The following CREBBP variants were observed in gnomAD, a reference collection of about 807,000 sequenced individuals.
The protein encoded by CREBBP is CREB binding lysine acetyltransferase.
A neutral mutation model predicts 265.0 loss-of-function variants in CREBBP; 19 were observed. The observed-to-expected ratio is 0.07, with a 90% CI of 0.05 to 0.11. The LOEUF (loss-of-function observed/expected upper bound fraction) is 0.11. CREBBP is among the 10% of genes least tolerant of loss of function. The pLI, the probability that CREBBP is intolerant of heterozygous loss-of-function variation, is 1.00. For synonymous variants in CREBBP, 1,457 were observed against 1,223.7 expected (o/e 1.19, Z -3.98); for missense variants, 2,525 against 3,219.0 (o/e 0.78, Z 5.22).
At chr16:3,789,307 C>T (rs1181381641) in intron 5 of CREBBP, among the ~76,000 whole-genome samples, 2 of 152,194 alleles carry the variant, frequency 1.3e-5, no homozygotes, top group African/African-American at 4.8e-5. Flanking sequence ...AACCCCAGTC[C>T]AGTCAAATGC....
chr16:3,831,664 G>A (rs2141415189), intron 2 of CREBBP, among the ~76,000 whole-genome samples: 2 of 152,166 alleles, frequency 1.3e-5, no homozygotes, highest in Admixed American at 1.3e-4. Context: ...AAACAAGAGA[G>A]CACACCAGAC....
rs1195004744 is a variant in CREBBP at position 3,880,281 on chromosome 16, G to C, written c.-365C>G. 3 of 143,316 alleles carry C rather than the reference G, an allele frequency of 2.1e-5. No individual in the cohort carries two copies. Among genetic ancestry groups the C allele is most frequent in the Admixed American group, 6.9e-5 (1 of 14,528 alleles). 8.9% of individuals were successfully genotyped at this position (143,316 alleles called of 1,614,324 possible). ...CGACGGCGCCCGGCCGGGCGGCTCA[G>C]GCAGTCCCCGAGAACATGGTGCCGC... On this transcript the variant is annotated 5_prime_UTR_variant, in exon 1 of 31. Transcript: ENST00000262367.
Position 3,778,091 on chromosome 16 carries a change from A to T in CREBBP, c.2033T>A (p.Ile678Asn), listed in dbSNP as rs1458002393. The T allele has an allele frequency of 6.2e-7, 1 of 1,614,052 alleles. No homozygotes were observed. The highest frequency in any genetic ancestry group is 8.5e-7 in the Non-Finnish European group (1 of 1,180,010). Residue 678 changes from isoleucine to asparagine, a missense_variant, in exon 10 of 31, where the codon ATC (isoleucine) becomes AAC (asparagine). Physicochemically the swap from Ile to Asn is moderately radical, Grantham distance 149 (BLOSUM62 -3). Transcript: ENST00000262367. ...TGGTAAGGCTGGCTGGTTCCCCAAGATGCCTTGTTTATGTAAACGCGACCT... is the reference window on the plus strand; with the variant it reads ...TGGTAAGGCTGGCTGGTTCCCCAAGTTGCCTTGTTTATGTAAACGCGACCT... ...KRRSRLHKQG[I>N]LGNQPALPAP...
chr16:3,781,894 ACATT>A (rs1396085949), intron 6 of CREBBP, among the ~76,000 whole-genome samples: 7 of 152,230 alleles, frequency 4.6e-5, no homozygotes, highest in African/African-American at 1.7e-4. Context: ...TATTAGTTAG[ACATT>A]CATTAGGGCA....
At chr16:3,843,309 C>T (rs1208862181) in intron 2 of CREBBP, among the ~76,000 whole-genome samples, 1 of 151,904 alleles carries the variant, frequency 6.6e-6, no homozygotes, top group Non-Finnish European at 1.5e-5. Flanking sequence ...TTTAGTTTTT[C>T]TCAAAATCAA....
At chr16:3,861,962 GA>G (rs2055084703) in intron 1 of CREBBP, among the ~76,000 whole-genome samples, 3 of 152,110 alleles carry the variant, frequency 2.0e-5, no homozygotes, top group African/African-American at 7.2e-5. Context: ...TGAAGAGCCA[GA>G]GAGCTCGGCC....
Position 3,879,686 on chromosome 16 carries a change from C to T in CREBBP, c.85+146G>A, listed in dbSNP as rs2141614749. ...AGTCCTGCGACGAACTTCCACCCTCCCGCGCGGGGCGAGGGGAACGGGCTG... is the reference window on the plus strand; with the variant it reads ...AGTCCTGCGACGAACTTCCACCCTCTCGCGCGGGGCGAGGGGAACGGGCTG... On this transcript the variant is annotated intron_variant, in intron 1 of 30. Coordinates refer to ENST00000262367, the MANE Select transcript of CREBBP (RefSeq NM_004380.3). 4 of 901,482 alleles carry T rather than the reference C, an allele frequency of 4.4e-6. No individual in the cohort carries two copies. The East Asian group carries it at 7.9e-5, about 18-fold the overall frequency. The allele number at this position is 901,482 out of a possible 1,614,324, so 55.8% of individuals were successfully genotyped here. A position where few individuals can be genotyped will look rare whatever the true frequency, so the allele number is the denominator to read the frequency against.
At position 3,851,207 on chromosome 16, in the gene CREBBP, G is replaced by C. The variant is rs181241337; in HGVS notation, c.86-198C>G. 8.8e-5 allele frequency among the ~76,000 whole-genome samples: 13 copies of C among 147,266 alleles called. No homozygotes were observed. The East Asian group carries it at 2.0e-3, about 23-fold the overall frequency. On this transcript the variant is annotated intron_variant, in intron 1 of 30. Coordinates refer to ENST00000262367, the MANE Select transcript of CREBBP (RefSeq NM_004380.3). ...GGAGGCTAAGGCAGGAGAATAGCTTGAACCCGGGAGGTGGAGGATGCGGTG... is the reference window on the plus strand; with the variant it reads ...GGAGGCTAAGGCAGGAGAATAGCTTCAACCCGGGAGGTGGAGGATGCGGTG...
intron 3 of CREBBP, among the ~76,000 whole-genome samples, chr16:3,804,965 G>A (rs908922672): frequency 6.6e-6 from 1 of 152,228 alleles, no homozygotes; most frequent in Non-Finnish European, 1.5e-5. Context: ...CTTGTAATAT[G>A]TGGGGCTACC....
intron 16 of CREBBP, among the ~76,000 whole-genome samples, chr16:3,764,043 T>G (rs920749771): frequency 6.6e-6 from 1 of 151,914 alleles, no homozygotes; most frequent in African/African-American, 2.4e-5. Flanking sequence ...AAAGCCAACA[T>G]CACCAAACTC....
intron 2 of CREBBP, among the ~76,000 whole-genome samples, chr16:3,832,000 T>TA (rs978675950): frequency 1.3e-3 from 182 of 144,670 alleles, no homozygotes; most frequent in African/African-American, 2.9e-3. Flanking sequence ...CTGACTCAGT[T>TA]AAAAAAAAAA....
At chr16:3,797,104 C>A (rs2053622620) in intron 3 of CREBBP, among the ~76,000 whole-genome samples, 1 of 152,198 alleles carries the variant, frequency 6.6e-6, no homozygotes, top group Admixed American at 6.5e-5. Flanking sequence ...TTCCCAACCT[C>A]CCTGCCCAGT....
At chr16:3,852,415 G>C (rs976890867) in intron 1 of CREBBP, among the ~76,000 whole-genome samples, 6 of 151,674 alleles carry the variant, frequency 4.0e-5, no homozygotes, top group African/African-American at 1.2e-4. Context: ...TGATCCATGG[G>C]AGGCCTCAGC....
At chr16:3,814,235 G>GTCTGAGACAGAGTCTCGTTC (rs1464629190) in intron 2 of CREBBP, among the ~76,000 whole-genome samples, 6 of 136,296 alleles carry the variant, frequency 4.4e-5, no homozygotes, top group African/African-American at 1.7e-4. Context: ...GTGTGTGTGT[G>GTCTGAGACAGAGTCTCGTTC]TGTGTGTGTG....
In CREBBP at chr16:3,851,046, C is replaced by G. The variant is rs1344949624; in HGVS notation, c.86-37G>C. On this transcript the variant is annotated intron_variant, in intron 1 of 30. Coordinates refer to ENST00000262367, the MANE Select transcript of CREBBP (RefSeq NM_004380.3). Reference sequence around the variant, plus strand: ...ACAGAAATGGAAATGAGAAACTAAGCAACCTTTACAGCTCTCCAACTGCCA... The same window carrying G: ...ACAGAAATGGAAATGAGAAACTAAGGAACCTTTACAGCTCTCCAACTGCCA... The G allele has an allele frequency of 4.5e-6, 7 of 1,566,204 alleles. No individual in the cohort carries two copies. The East Asian group carries it at 1.6e-4, about 35-fold the overall frequency.
intron 21 of CREBBP, among the ~76,000 whole-genome samples, chr16:3,746,511 G>C (rs1043302110): frequency 6.6e-6 from 1 of 152,110 alleles, no homozygotes; most frequent in Non-Finnish European, 1.5e-5. Flanking sequence ...CTCTGTCTTT[G>C]ACAACTCAGC....
In CREBBP at chr16:3,728,595, C is replaced by T. The variant is rs749783719; in HGVS notation, c.6452G>A (p.Arg2151Gln). 6.2e-6 allele frequency: 10 copies of T among 1,613,756 alleles called. No individual in the cohort carries two copies. Among genetic ancestry groups the T allele is most frequent in the Middle Eastern group, 1.6e-4 (1 of 6,062 alleles). ...CTGCTGCTGTGGAGGCACACCGGGC[C>T]GCGGCACGCCAGCCTGCATGGCATT... The part of the protein sequence containing the change: ...NLNAMQAGVP[R>Q]PGVPPQQQAM... Residue 2151 changes from arginine to glutamine, a missense_variant, in exon 31 of 31, where the codon CGG (arginine) becomes CAG (glutamine). By Grantham distance (43) the Arg-to-Gln change is conservative. Coordinates refer to ENST00000262367, the MANE Select transcript of CREBBP (RefSeq NM_004380.3). This position sits in a 1 kb window ranked among gnomAD's most constrained non-coding sequence, Gnocchi z 8.7.
chr16:3,801,833 C>T (rs2053719852), intron 3 of CREBBP, among the ~76,000 whole-genome samples: 1 of 152,158 alleles, frequency 6.6e-6, no homozygotes, highest in African/African-American at 2.4e-5. Flanking sequence ...ATTTCACATG[C>T]AATTTGTAAT....
At chr16:3,861,377 G>A (rs1306671931) in intron 1 of CREBBP, among the ~76,000 whole-genome samples, 1 of 152,214 alleles carries the variant, frequency 6.6e-6, no homozygotes, top group African/African-American at 2.4e-5. Flanking sequence ...TTGGCATGCA[G>A]TAAGGACTCA....
Sources: allele counts gnomAD v4.1 joint callset (sites outside exome capture counted in the v4.1 genomes callset), GRCh38; gene constraint gnomAD v4.1.1; non-coding constraint Gnocchi (gnomAD v3.1); transcripts MANE v1.5; gene names NCBI Gene and HGNC (gene_info 2026-07-23, HGNC 2026-07-21).